CORIN: variants seen among roughly 807,000 people sequenced by gnomAD.
CORIN encodes atrial natriuretic peptide-converting enzyme.
Under a neutral mutation model 125.3 loss-of-function variants are expected in CORIN, and 117 were observed. The observed-to-expected ratio is 0.93, with a 90% confidence interval of 0.80 to 1.09. The LOEUF (loss-of-function observed/expected upper bound fraction) is 1.09. Ranked by LOEUF, CORIN falls within the 50% of genes least tolerant of loss-of-function variation. The pLI, the probability that CORIN is intolerant of heterozygous loss-of-function variation, is 0.00. For synonymous variants in CORIN, 450 were observed against 466.4 expected (o/e 0.96, Z 0.45); for missense variants, 1,253 against 1,306.7 (o/e 0.96, Z 0.63).
At chr4:47,783,558 T>G (rs980072202) in intron 3 of CORIN, among the ~76,000 whole-genome samples, 1 of 152,124 alleles carries the variant, frequency 6.6e-6, no homozygotes, top group African/African-American at 2.4e-5. Context: ...ATAGAATGAA[T>G]GTCTGGCCAT....
chr4:47,766,946 C>CAAA (rs1045606316), intron 3 of CORIN, among the ~76,000 whole-genome samples: 35 of 63,206 alleles, frequency 5.5e-4, no homozygotes, highest in Admixed American at 1.8e-3. Flanking sequence ...GACTCTGTCT[C>CAAA]AAAAAAAAAA....
chr4:47,763,638 T>C lies in CORIN; in HGVS notation c.410-52A>G, dbSNP rs1043905336. The C allele has an allele frequency of 7.6e-6, 11 of 1,454,784 alleles. No homozygotes were observed. The Middle Eastern group carries it at 9.0e-4, about 119-fold the overall frequency. The allele number at this position is 1,454,784 out of a possible 1,614,324, so 90.1% of individuals were successfully genotyped here. The stretch of plus-strand genomic sequence containing the variant: ...AGAGTGGACACATCAGAAGTATATG[T>C]TTGCAAACTCATTTAATATTTGTTT... On this transcript the variant is annotated intron_variant, in intron 3 of 21. Transcript: ENST00000273857.
chr4:47,721,239 A>C (rs1378129590), intron 5 of CORIN, among the ~76,000 whole-genome samples: 1 of 150,780 alleles, frequency 6.6e-6, no homozygotes, highest in South Asian at 2.1e-4. Flanking sequence ...TTCTAATCCC[A>C]TCATGGGGGC....
At chr4:47,677,745 G>T (rs1305501080) in intron 9 of CORIN, among the ~76,000 whole-genome samples, 193 bp downstream of exon 9, 1 of 152,198 alleles carries the variant, frequency 6.6e-6, no homozygotes, top group Non-Finnish European at 1.5e-5. Context: ...GATTTTCAGT[G>T]TAAGTTGCTT....
At chr4:47,738,757 C>G (rs1283053890) in intron 5 of CORIN, among the ~76,000 whole-genome samples, 1 of 152,152 alleles carries the variant, frequency 6.6e-6, no homozygotes, top group African/African-American at 2.4e-5. Flanking sequence ...ACTGGACAGA[C>G]TTTTAAATCA....
At chr4:47,644,540 C>T (rs1323419643) in intron 14 of CORIN, among the ~76,000 whole-genome samples, 1 of 152,160 alleles carries the variant, frequency 6.6e-6, no homozygotes, top group Non-Finnish European at 1.5e-5. Context: ...GCTCTAAAAG[C>T]AATGGCCATT....
chr4:47,763,468 T>A lies in CORIN; in HGVS notation c.528A>T (p.Thr176=). 1.2e-6 allele frequency: 2 copies of A among 1,614,128 alleles called. No individual in the cohort carries two copies. The highest frequency in any genetic ancestry group is 1.7e-6 in the Non-Finnish European group (2 of 1,180,020). Residue 176 remains threonine (T), a synonymous_variant, in exon 4 of 22, where the codon ACA becomes ACT. Coordinates refer to ENST00000273857, the MANE Select transcript of CORIN (RefSeq NM_006587.4). ...GATAGCAACTGAGGCGATGGAGATATGTGAAAAACTTGAGGAACTTTTCCA... is the reference window on the plus strand; with the variant it reads ...GATAGCAACTGAGGCGATGGAGATAAGTGAAAAACTTGAGGAACTTTTCCA... The part of the protein sequence containing the change: ...MEMEKFLKFF[T]YLHRLSCYQH...
chr4:47,639,718 T>TA (rs1560484267), intron 16 of CORIN, among the ~76,000 whole-genome samples: 3 of 152,242 alleles, frequency 2.0e-5, no homozygotes, highest in South Asian at 4.1e-4. Flanking sequence ...CAGGGTGACT[T>TA]AGAGTTTATT....
At chr4:47,678,664 C>G (rs1338835343) in intron 8 of CORIN, among the ~76,000 whole-genome samples, 1 of 152,196 alleles carries the variant, frequency 6.6e-6, no homozygotes, top group Admixed American at 6.6e-5. Flanking sequence ...AAAGGGATGG[C>G]CTAATATCCA....
intron 15 of CORIN, 26 bp from the exon 16 acceptor site, chr4:47,642,075 C>A (rs1004078130): frequency 6.2e-7 from 1 of 1,605,592 alleles, no homozygotes; most frequent in Non-Finnish European, 8.5e-7. Context: ...ACAAGGGAAA[C>A]CCTAATTAAA....
At chr4:47,804,831 A>G (rs756459423) in intron 2 of CORIN, among the ~76,000 whole-genome samples, 1 of 152,060 alleles carries the variant, frequency 6.6e-6, no homozygotes, top group Non-Finnish European at 1.5e-5. Context: ...TATAGTAAAT[A>G]GAAGTTTAAT....
chr4:47,752,482 T>C (rs773333402), intron 4 of CORIN, among the ~76,000 whole-genome samples: 3 of 152,160 alleles, frequency 2.0e-5, no homozygotes, highest in Non-Finnish European at 4.4e-5. Flanking sequence ...CCCAACTTAA[T>C]TGGGAATACA....
intron 2 of CORIN, among the ~76,000 whole-genome samples, chr4:47,799,139 G>GTA (rs1188965746): frequency 1.3e-5 from 2 of 151,674 alleles, no homozygotes; most frequent in Non-Finnish European, 2.9e-5. Flanking sequence ...GTGTGTGTGT[G>GTA]TGTGTGTATG....
At chr4:47,670,669 G>A (rs1724709616) in intron 10 of CORIN, among the ~76,000 whole-genome samples, 1 of 152,198 alleles carries the variant, frequency 6.6e-6, no homozygotes, top group Admixed American at 6.5e-5. Flanking sequence ...GCCATGGTCA[G>A]CATGGGCACA....
At chr4:47,752,381 T>C (rs948039254) in intron 4 of CORIN, among the ~76,000 whole-genome samples, 11 of 152,284 alleles carry the variant, frequency 7.2e-5, no homozygotes, top group African/African-American at 2.4e-4. Flanking sequence ...ACTCCATAAT[T>C]ATCTGTTGAA....
chr4:47,637,323 C>T (rs998069594), intron 16 of CORIN, among the ~76,000 whole-genome samples: 8 of 152,122 alleles, frequency 5.3e-5, no homozygotes, highest in African/African-American at 1.9e-4. Flanking sequence ...AAGAAAATAC[C>T]ATTTTCTGAG....
At chr4:47,766,138 C>T (rs549018721) in intron 3 of CORIN, among the ~76,000 whole-genome samples, 2 of 152,234 alleles carry the variant, frequency 1.3e-5, no homozygotes, top group South Asian at 2.1e-4. Flanking sequence ...TTGTAGTTTA[C>T]GAACCACTTC....
chr4:47,711,744 T>C (rs375872158), intron 5 of CORIN, among the ~76,000 whole-genome samples: 8 of 152,256 alleles, frequency 5.3e-5, no homozygotes, highest in African/African-American at 1.4e-4. Flanking sequence ...AGAGGGTTCA[T>C]TCCCATTGTT....
chr4:47,646,011 C>A (rs538633230), intron 13 of CORIN, among the ~76,000 whole-genome samples: 5 of 137,662 alleles, frequency 3.6e-5, no homozygotes, highest in Admixed American at 8.1e-5. Flanking sequence ...TGAAGTGGCA[C>A]GTTCTTGGCT....
Sources: allele counts gnomAD v4.1 joint callset (sites outside exome capture counted in the v4.1 genomes callset), GRCh38; gene constraint gnomAD v4.1.1; transcripts MANE v1.5; gene names NCBI Gene and HGNC (gene_info 2026-07-23, HGNC 2026-07-21).